SYN2: variants seen among roughly 807,000 people sequenced by gnomAD.
SYN2 encodes synapsin-2.
Under a neutral mutation model 50.9 loss-of-function variants are expected in SYN2, and 19 were observed. The observed-to-expected ratio is 0.37, with a 90% CI of 0.26 to 0.55. The LOEUF (loss-of-function observed/expected upper bound fraction) is 0.55. SYN2 is among the 20% of genes least tolerant of loss of function. The pLI is 0.81. For synonymous variants in SYN2, 255 were observed against 224.9 expected, an observed-to-expected ratio of 1.13 and a Z score of -1.20; for missense variants, 587 against 576.4, an observed-to-expected ratio of 1.02 and a Z score of -0.19.
intron 1 of SYN2, among the ~76,000 whole-genome samples, chr3:12,139,802 G>T (rs1696975011): frequency 6.6e-6 from 1 of 152,194 alleles, no homozygotes; most frequent in South Asian, 2.1e-4. Flanking sequence ...TTGACAAATG[G>T]AGAACCAGCC....
Position 12,064,933 on chromosome 3 carries a change from C to T in SYN2, c.377+60005C>T, listed in dbSNP as rs117153119. ...ACAACTTGTACACAGATGTTCATAG[C>T]GTTATTCATATAGCCAAAAAGTGAA... On this transcript the variant is annotated intron_variant, in intron 1 of 12. Transcript: ENST00000621198. Among the ~76,000 whole-genome samples the T allele has an allele frequency of 1.4e-4, 22 of 152,118 alleles. No homozygotes were observed. In the East Asian group the frequency reaches 4.1e-3, roughly 28 times the overall value.
At chr3:12,157,050 AT>A in intron 5 of SYN2, 2 of 736,400 alleles carry the variant, frequency 2.7e-6, no homozygotes, top group South Asian at 1.9e-5. Flanking sequence ...CTAGTTGAGG[AT>A]TTTGTGTCCT....
rs573239913 is a variant in SYN2 at position 12,070,627 on chromosome 3, C to G, written c.377+65699C>G. 13 of 1,374,560 alleles carry G rather than the reference C, an allele frequency of 9.5e-6. No homozygotes were observed. In the Middle Eastern group the frequency reaches 5.9e-4, roughly 63 times the overall value. 85.1% of individuals were successfully genotyped at this position (1,374,560 alleles called of 1,614,324 possible). A position where few individuals can be genotyped will look rare whatever the true frequency, so the allele number is the denominator to read the frequency against. ...ATGTTTGAGACCTTCAACACCCTGT[C>G]CATGTACGTGGCCATCCAGGCCATG... On this transcript the variant is annotated intron_variant, in intron 1 of 12. Transcript: ENST00000621198.
chr3:12,130,310 G>A (rs4684098), intron 1 of SYN2, among the ~76,000 whole-genome samples: 104,547 of 151,790 alleles, frequency 0.69, 36,990 homozygotes, highest in Middle Eastern at 0.78. Flanking sequence ...GAAGTCCCAA[G>A]ATCTGCAGTG....
intron 1 of SYN2, among the ~76,000 whole-genome samples, chr3:12,080,140 G>A (rs1228365912): frequency 2.0e-5 from 3 of 152,138 alleles, no homozygotes; most frequent in African/African-American, 7.2e-5. Flanking sequence ...TGTGGGGTCA[G>A]TGGTGATATC....
chr3:12,137,093 TA>T (rs1355598009), intron 1 of SYN2, among the ~76,000 whole-genome samples: 1 of 151,790 alleles, frequency 6.6e-6, no homozygotes, highest in Non-Finnish European at 1.5e-5. Flanking sequence ...AAAAAAAATT[TA>T]AAAATTAGCC....
intron 10 of SYN2, among the ~76,000 whole-genome samples, chr3:12,172,025 C>G (rs1697948662): frequency 6.6e-6 from 1 of 152,150 alleles, no homozygotes; most frequent in Non-Finnish European, 1.5e-5. Flanking sequence ...TGCAGAAATT[C>G]CTTGTAGCAA....
At position 12,050,061 on chromosome 3, in the gene SYN2, G is replaced by A. The variant is rs58281991; in HGVS notation, c.377+45133G>A. Among the ~76,000 whole-genome samples the A allele has an allele frequency of 4.6e-3, 699 of 151,764 alleles. 5 individuals carry two copies. The highest frequency in any genetic ancestry group is 0.015 in the African/African-American group (641 of 41,356). ...ATTACAGGCACCTGCCACCACGCCC[G>A]GCTAATTTTTTGTATTTTTAGTAAA... On this transcript the variant is annotated intron_variant, in intron 1 of 12. Coordinates refer to ENST00000621198, the MANE Select transcript of SYN2 (RefSeq NM_133625.6).
At chr3:12,069,630 G>C (rs915054636) in intron 1 of SYN2, among the ~76,000 whole-genome samples, 1 of 151,984 alleles carries the variant, frequency 6.6e-6, no homozygotes, top group African/African-American at 2.4e-5. Context: ...TTAATGTTTT[G>C]AGGAACTGCC....
intron 1 of SYN2, among the ~76,000 whole-genome samples, chr3:12,096,532 T>C (rs910582929): frequency 2.0e-5 from 3 of 152,034 alleles, no homozygotes; most frequent in Admixed American, 2.0e-4. Flanking sequence ...TTATAAGACT[T>C]TTGCTACTAG....
At chr3:12,125,097 C>T (rs1345093111) in intron 1 of SYN2, among the ~76,000 whole-genome samples, 1 of 151,906 alleles carries the variant, frequency 6.6e-6, no homozygotes, top group Non-Finnish European at 1.5e-5. Flanking sequence ...TCACTGCAAC[C>T]TCCGCCTCCC....
rs201684567 is a variant in SYN2, at chr3:12,053,429, A to AAAAAC, written c.377+48521_377+48525dup. ...GTGCGAGACTTTGTCTCAAAAAACAAAAAACAAAACAAAACAAAACAAAAA... is the reference window on the plus strand; with the variant it reads ...GTGCGAGACTTTGTCTCAAAAAACAAAAAACAAAACAAAACAAAACAAAACAAAAA... On this transcript the variant is annotated intron_variant, in intron 1 of 12. Coordinates refer to ENST00000621198, the MANE Select transcript of SYN2 (RefSeq NM_133625.6). Among the ~76,000 whole-genome samples the AAAAAC allele has an allele frequency of 1.6e-3, 244 of 152,232 alleles. 2 individuals carry two copies. The highest frequency in any genetic ancestry group is 0.015 in the Admixed American group (228 of 15,294).
chr3:12,109,679 G>A (rs1179796821), intron 1 of SYN2, among the ~76,000 whole-genome samples: 3 of 152,090 alleles, frequency 2.0e-5, no homozygotes, highest in Non-Finnish European at 4.4e-5. Context: ...TCCTCTGTAA[G>A]GAAGGGAATA....
chr3:12,009,465 A>G (rs1348669760), intron 1 of SYN2, among the ~76,000 whole-genome samples: 1 of 152,174 alleles, frequency 6.6e-6, no homozygotes, highest in African/African-American at 2.4e-5. Flanking sequence ...GATAGCATTT[A>G]AACCTGAGGG....
chr3:12,120,971 C>T (rs1427542865), intron 1 of SYN2, among the ~76,000 whole-genome samples: 1 of 152,166 alleles, frequency 6.6e-6, no homozygotes, highest in Non-Finnish European at 1.5e-5. Context: ...GTTATAGTAT[C>T]ATAACTTTTT....
At chr3:12,039,549 ATTTTT>A (rs60746238) in intron 1 of SYN2, among the ~76,000 whole-genome samples, 35,408 of 118,056 alleles carry the variant, frequency 0.3, 4,211 homozygotes, top group Middle Eastern at 0.42. Context: ...AGAAGCAAAG[ATTTTT>A]TTTTTTTTTT....
intron 1 of SYN2, among the ~76,000 whole-genome samples, chr3:12,016,705 A>G (rs1416551267): frequency 6.6e-6 from 1 of 152,030 alleles, no homozygotes; most frequent in Non-Finnish European, 1.5e-5. Flanking sequence ...AAAATACAAA[A>G]ATTAGCTGGG....
intron 5 of SYN2, among the ~76,000 whole-genome samples, chr3:12,158,416 G>A (rs575835308): frequency 1.3e-3 from 201 of 152,246 alleles, no homozygotes; most frequent in African/African-American, 3.9e-3. Context: ...AGATAGCTCC[G>A]GTGACACCTT....
rs796837275 is a variant in SYN2, at chr3:12,104,570, C to CTTTTTTTT, written c.378-36066_378-36059dup. On this transcript the variant is annotated intron_variant, in intron 1 of 12. Coordinates refer to ENST00000621198, the MANE Select transcript of SYN2 (RefSeq NM_133625.6). Reference sequence around the variant, plus strand: ...ATGTGAAACATTTTTCTTTTCTTTTCTTTTTTTTTTTTTTTTTTTTTTGAG... The same window carrying CTTTTTTTT: ...ATGTGAAACATTTTTCTTTTCTTTTCTTTTTTTTTTTTTTTTTTTTTTTTTTTTTTGAG... Among the ~76,000 whole-genome samples the CTTTTTTTT allele has an allele frequency of 8.3e-4, 68 of 81,724 alleles. 2 individuals carry two copies. The highest frequency in any genetic ancestry group is 1.6e-3 in the African/African-American group (31 of 19,846). 53.6% of individuals were successfully genotyped at this position (81,724 alleles called of 152,430 possible). A position where few individuals can be genotyped will look rare whatever the true frequency, so the allele number is the denominator to read the frequency against.
Sources: allele counts gnomAD v4.1 joint callset (sites outside exome capture counted in the v4.1 genomes callset), GRCh38; gene constraint gnomAD v4.1.1; transcripts MANE v1.5; gene names NCBI Gene and HGNC (gene_info 2026-07-23, HGNC 2026-07-21).